The following PPP3CA variants were observed in gnomAD, a reference collection of about 807,000 sequenced individuals.
PPP3CA encodes the protein protein phosphatase 3 catalytic subunit alpha.
A neutral mutation model predicts 66.5 loss-of-function variants in PPP3CA; 14 were observed. That is an observed-to-expected ratio of 0.21 (90% CI 0.14 to 0.33). The LOEUF (loss-of-function observed/expected upper bound fraction) is 0.33. Ranked by LOEUF, PPP3CA falls within the 10% of genes least tolerant of loss-of-function variation. The probability of loss-of-function intolerance (pLI) is 1.00; values close to 1 mark genes in which losing one functional copy is unlikely to be tolerated. For missense variants in PPP3CA, 317 were observed against 639.5 expected (o/e 0.50, Z 5.44); for synonymous variants, 232 against 226.2 (o/e 1.03, Z -0.23).
intron 4 of PPP3CA, 102 bp from the exon 5 acceptor site, chr4:101,098,614 TTAACATAA>T: frequency 8.9e-7 from 1 of 1,122,726 alleles, no homozygotes. Context: ...GACCCTATTA[TTAACATAA>T]AGGCACATAC....
chr4:101,206,434 T>C (rs1052114535), intron 1 of PPP3CA, among the ~76,000 whole-genome samples: 1 of 152,078 alleles, frequency 6.6e-6, no homozygotes, highest in African/African-American at 2.4e-5. Flanking sequence ...TACAACAAAC[T>C]GCATTCCTTT....
chr4:101,060,034 A>G (rs1014061665), intron 10 of PPP3CA, among the ~76,000 whole-genome samples: 3 of 152,110 alleles, frequency 2.0e-5, no homozygotes, highest in African/African-American at 4.8e-5. Flanking sequence ...ATTATTTTCA[A>G]TCTGAGGTTG....
At chr4:101,159,991 T>C (rs1183935290) in intron 2 of PPP3CA, among the ~76,000 whole-genome samples, 1 of 152,078 alleles carries the variant, frequency 6.6e-6, no homozygotes, top group Non-Finnish European at 1.5e-5. Context: ...TTACTGAAAA[T>C]AGCCCAATAG....
At chr4:101,173,861 G>A (rs1186916690) in intron 2 of PPP3CA, among the ~76,000 whole-genome samples, 1 of 152,066 alleles carries the variant, frequency 6.6e-6, no homozygotes, top group Non-Finnish European at 1.5e-5. Context: ...AACCAGTCTA[G>A]GCAGCAGAGC....
intron 2 of PPP3CA, among the ~76,000 whole-genome samples, chr4:101,180,807 G>C (rs1405541200): frequency 2.6e-5 from 4 of 152,044 alleles, no homozygotes; most frequent in South Asian, 2.1e-4. Flanking sequence ...GCCAAGGAGG[G>C]AGGAACACTT....
At chr4:101,151,443 C>T (rs1723134584) in intron 2 of PPP3CA, among the ~76,000 whole-genome samples, 2 of 151,148 alleles carry the variant, frequency 1.3e-5, no homozygotes, top group Admixed American at 6.6e-5. Context: ...TCCTGTAGTC[C>T]CAGCTACTCT....
chr4:101,090,449 A>G (rs1729862656), intron 6 of PPP3CA, among the ~76,000 whole-genome samples: 1 of 151,690 alleles, frequency 6.6e-6, no homozygotes, highest in African/African-American at 2.4e-5. Context: ...GACCAGCCTG[A>G]CCAACATGGA....
intron 2 of PPP3CA, among the ~76,000 whole-genome samples, chr4:101,135,765 A>C (rs944361768): frequency 3.9e-5 from 6 of 152,242 alleles, no homozygotes; most frequent in African/African-American, 1.4e-4. Flanking sequence ...AGAAACATTT[A>C]AGCAAAGTGT....
chr4:101,106,452 A>G lies in PPP3CA; in HGVS notation c.384+2502T>C, dbSNP rs1265179153. Among the ~76,000 whole-genome samples, 34 of 35,926 alleles carry G rather than the reference A, an allele frequency of 9.5e-4. 11 individuals are homozygous for G. Among genetic ancestry groups the G allele is most frequent in the African/African-American group, 5.6e-3 (33 of 5,936 alleles). The allele number at this position is 35,926 out of a possible 152,430, so 23.6% of individuals were successfully genotyped here. On this transcript the variant is annotated intron_variant, in intron 3 of 13. Coordinates refer to ENST00000394854, the MANE Select transcript of PPP3CA (RefSeq NM_000944.5). Reference sequence around the variant, plus strand: ...AAGAAAGAAAGAAAGAAAGAAAGAAAGAGAAAAGAAAAGAAAAGAAAAGAA... The same window carrying G: ...AAGAAAGAAAGAAAGAAAGAAAGAAGGAGAAAAGAAAAGAAAAGAAAAGAA...
At chr4:101,320,811 G>C (rs954533571) in intron 1 of PPP3CA, among the ~76,000 whole-genome samples, 1 of 152,090 alleles carries the variant, frequency 6.6e-6, no homozygotes, top group African/African-American at 2.4e-5. Flanking sequence ...ATCTTCGGGA[G>C]AGATTATATG....
intron 1 of PPP3CA, among the ~76,000 whole-genome samples, chr4:101,342,779 A>G (rs1170126935): frequency 6.6e-6 from 1 of 152,174 alleles, no homozygotes; most frequent in Non-Finnish European, 1.5e-5. Context: ...AATAAATGAC[A>G]TTATTTACTA....
intron 1 of PPP3CA, among the ~76,000 whole-genome samples, chr4:101,236,437 A>C (rs1726134098): frequency 6.6e-6 from 1 of 151,978 alleles, no homozygotes; most frequent in East Asian, 1.9e-4. Context: ...CTGTGGTTGG[A>C]GTGCTAGGCA....
chr4:101,172,124 G>A (rs1432114773), intron 2 of PPP3CA, among the ~76,000 whole-genome samples: 2 of 152,056 alleles, frequency 1.3e-5, no homozygotes, highest in African/African-American at 2.4e-5. Flanking sequence ...CCAGAGTACC[G>A]CTTGACTCTC....
chr4:101,079,652 C>A (rs1024963110), intron 8 of PPP3CA, among the ~76,000 whole-genome samples: 1 of 152,140 alleles, frequency 6.6e-6, no homozygotes, highest in Non-Finnish European at 1.5e-5. Flanking sequence ...AAGCCACACT[C>A]GGACATGCTG....
At chr4:101,069,038 GT>G (rs999342395) in intron 8 of PPP3CA, among the ~76,000 whole-genome samples, 1 of 152,026 alleles carries the variant, frequency 6.6e-6, no homozygotes, top group Non-Finnish European at 1.5e-5. Flanking sequence ...AAATTTTTCT[GT>G]CTTTATTTTT....
rs1007976361 is a variant in PPP3CA, at chr4:101,105,400, C to T, written c.384+3554G>A. Among the ~76,000 whole-genome samples, 16 of 151,296 alleles carry T rather than the reference C, an allele frequency of 1.1e-4. No individual in the cohort carries two copies. The East Asian group carries it at 2.1e-3, about 20-fold the overall frequency. On this transcript the variant is annotated intron_variant, in intron 3 of 13. Coordinates refer to ENST00000394854, the MANE Select transcript of PPP3CA (RefSeq NM_000944.5). The stretch of plus-strand genomic sequence containing the variant: ...CAGGATGGTCTGGATCTCTTGACCT[C>T]GTGATCTGTTTGCCTCAGACTCCCA...
At chr4:101,183,738 G>GT (rs1453253420) in intron 2 of PPP3CA, among the ~76,000 whole-genome samples, 2 of 152,062 alleles carry the variant, frequency 1.3e-5, no homozygotes, top group Admixed American at 6.6e-5. Context: ...CTTGATCCAA[G>GT]TTTTTTTATT....
intron 3 of PPP3CA, among the ~76,000 whole-genome samples, chr4:101,106,996 A>G (rs1300349645): frequency 6.6e-6 from 1 of 152,196 alleles, no homozygotes; most frequent in East Asian, 1.9e-4. Flanking sequence ...CCTGGCAGAC[A>G]CCAGTCCTAA....
intron 2 of PPP3CA, among the ~76,000 whole-genome samples, chr4:101,190,486 A>G (rs566935297): frequency 3.3e-4 from 51 of 152,310 alleles, no homozygotes; most frequent in African/African-American, 1.2e-3. Context: ...AATGTTTCCC[A>G]TAGATAGCGC....
Sources: gnomAD v4.1 joint callset for allele counts (sites outside exome capture counted in the v4.1 genomes callset) on GRCh38, gnomAD v4.1.1 for gene constraint, MANE v1.5 for transcripts, NCBI Gene and HGNC (gene_info 2026-07-23, HGNC 2026-07-21) for gene names.